ZNF623: variants seen among roughly 807,000 people sequenced by gnomAD.
ZNF623 encodes zinc finger protein 623.
A neutral mutation model predicts 24.0 loss-of-function variants in ZNF623; 16 were observed. That is an observed-to-expected ratio of 0.67 (90% confidence interval 0.45 to 1.01). The LOEUF is 1.01. ZNF623 is among the 50% of genes least tolerant of loss of function. The pLI is 0.00. For missense variants in ZNF623, 566 were observed against 606.5 expected (o/e 0.93, Z 0.70); for synonymous variants, 224 against 219.8 (o/e 1.02, Z -0.17).
Position 143,651,656 on chromosome 8 carries a change from C to T in ZNF623, c.*173C>T, listed in dbSNP as rs997855685. ...TACTCGGCTCAGCCCTTCTCCTCAG[C>T]TGTGAGCACTGTCCTCAGGAGAGTC... is the stretch of plus-strand genomic sequence containing the variant. On this transcript the variant is annotated 3_prime_UTR_variant, in exon 2 of 2. Coordinates refer to ENST00000526926, the MANE Select transcript of ZNF623 (RefSeq NM_001261843.2). The T allele has an allele frequency of 8.8e-6, 6 of 678,532 alleles. No individual in the cohort carries two copies. In the Admixed American group the frequency reaches 1.9e-4, roughly 22 times the overall value. 42.0% of individuals were successfully genotyped at this position (678,532 alleles called of 1,614,324 possible). A position where few individuals can be genotyped will look rare whatever the true frequency, so the allele number is the denominator to read the frequency against.
At chr8:143,638,664 C>T (rs1360630808) in intron 1 of ZNF623, among the ~76,000 whole-genome samples, 1 of 149,804 alleles carries the variant, frequency 6.7e-6, no homozygotes, top group East Asian at 2.0e-4. Context: ...CTTGAACCCA[C>T]GAGACAGAGA....
intron 1 of ZNF623, among the ~76,000 whole-genome samples, chr8:143,645,509 C>T (rs1815158110): frequency 6.6e-6 from 1 of 152,114 alleles, no homozygotes; most frequent in African/African-American, 2.4e-5. Context: ...TCTCTCAAAG[C>T]AGTCACTGTT....
Position 143,650,124 on chromosome 8 carries a change from C to G in ZNF623, c.132C>G (p.Thr44=), listed in dbSNP as rs754090581. The G allele has an allele frequency of 1.2e-6, 2 of 1,613,972 alleles. No homozygotes were observed. The highest frequency in any genetic ancestry group is 1.7e-6 in the Non-Finnish European group (2 of 1,180,030). Reference sequence around the variant, plus strand: ...GGGGCTGCAAGCAGGTGACAGTGACCCATTGGAAGATCCAGACAGGAGAGA... The same window carrying G: ...GGGGCTGCAAGCAGGTGACAGTGACGCATTGGAAGATCCAGACAGGAGAGA... ...QDRGCKQVTV[T]HWKIQTGETA... Residue 44 remains threonine (T), a synonymous_variant, in exon 2 of 2, where the codon ACC becomes ACG. Transcript: ENST00000526926. The surrounding 1 kb of genome is among the most constrained non-coding windows in gnomAD (Gnocchi z 5.2).
intron 1 of ZNF623, among the ~76,000 whole-genome samples, chr8:143,637,058 T>C (rs891042710): frequency 1.3e-5 from 2 of 152,208 alleles, no homozygotes; most frequent in African/African-American, 4.8e-5. Flanking sequence ...GGCAGAGCCC[T>C]GAGCAGCATG....
chr8:143,646,111 G>A (rs1473030298), intron 1 of ZNF623, among the ~76,000 whole-genome samples: 1 of 152,046 alleles, frequency 6.6e-6, no homozygotes. Flanking sequence ...GCATAGTCAT[G>A]GCTTACTACA....
intron 1 of ZNF623, among the ~76,000 whole-genome samples, chr8:143,637,249 A>T (rs560796408): frequency 6.6e-6 from 1 of 152,314 alleles, no homozygotes; most frequent in Admixed American, 6.5e-5. Flanking sequence ...GCGCGGGGCA[A>T]GGAGGTCCAG....
At chr8:143,649,213 A>G (rs916156528) in intron 1 of ZNF623, among the ~76,000 whole-genome samples, 3 of 151,634 alleles carry the variant, frequency 2.0e-5, no homozygotes, top group African/African-American at 7.3e-5. Flanking sequence ...AGGAGGCAGA[A>G]CTTGCAGTGA....
chr8:143,649,896 A>C lies in ZNF623; in HGVS notation c.-95-2A>C. 2 of 1,602,634 alleles carry C rather than the reference A, an allele frequency of 1.2e-6. No individual in the cohort carries two copies. The highest frequency in any genetic ancestry group is 1.7e-6 in the Non-Finnish European group (2 of 1,171,832). ...AGATGATTTTGTTGTCTTTTGTTTC[A>C]GATTCTAATGTAGGAACTGGTGAGA... On this transcript the variant is annotated splice_acceptor_variant, in intron 1 of 1. Coordinates refer to ENST00000526926, the MANE Select transcript of ZNF623 (RefSeq NM_001261843.2). LOFTEE classifies it low-confidence loss of function (5UTR_SPLICE).
chr8:143,648,529 G>C (rs543659081), intron 1 of ZNF623, among the ~76,000 whole-genome samples: 1 of 152,146 alleles, frequency 6.6e-6, no homozygotes, highest in Non-Finnish European at 1.5e-5. Context: ...GTGGGACATG[G>C]GGCCCATGAC....
At chr8:143,637,249 A>G (rs560796408) in intron 1 of ZNF623, among the ~76,000 whole-genome samples, 1 of 152,314 alleles carries the variant, frequency 6.6e-6, no homozygotes, top group East Asian at 1.9e-4. Flanking sequence ...GCGCGGGGCA[A>G]GGAGGTCCAG....
intron 1 of ZNF623, among the ~76,000 whole-genome samples, chr8:143,647,463 G>A (rs1815201985): frequency 6.6e-6 from 1 of 152,238 alleles, no homozygotes; most frequent in African/African-American, 2.4e-5. Context: ...TGCCCAGCCA[G>A]CCTTGCTGTT....
At chr8:143,644,826 CT>C (rs1409980932) in intron 1 of ZNF623, among the ~76,000 whole-genome samples, 20 of 37,438 alleles carry the variant, frequency 5.3e-4, no homozygotes, top group Non-Finnish European at 1.1e-3. Context: ...GCAAGACTAT[CT>C]TTAAAAAAAA....
At chr8:143,644,287 G>A (rs529879776) in intron 1 of ZNF623, among the ~76,000 whole-genome samples, 40 of 152,262 alleles carry the variant, frequency 2.6e-4, no homozygotes, top group African/African-American at 9.6e-4. Context: ...CAAAGTGTTG[G>A]GATTACAGGC....
chr8:143,636,035 G>A lies in ZNF623; in HGVS notation c.-206G>A, dbSNP rs1563695133. On this transcript the variant is annotated 5_prime_UTR_variant, in exon 1 of 2. Transcript: ENST00000526926. ...GCCTCTCGCGACTTCCGGTCGCGGC[G>A]GGCTGGCGGCGGTGCAGGCTTTGTC... 1 of 152,540 alleles carries A rather than the reference G, an allele frequency of 6.6e-6. No individual in the cohort carries two copies. 9.4% of individuals were successfully genotyped at this position (152,540 alleles called of 1,614,324 possible). A position where few individuals can be genotyped will look rare whatever the true frequency, so the allele number is the denominator to read the frequency against.
Position 143,651,250 on chromosome 8 carries a change from G to T in ZNF623, c.1258G>T (p.Val420Leu). 6.2e-7 allele frequency: 1 copy of T among 1,614,210 alleles called. No individual in the cohort carries two copies. The highest frequency in any genetic ancestry group is 2.2e-5 in the East Asian group (1 of 44,884). The part of the protein sequence containing the change: ...QIIHTGEKPY[V>L]CSYCGKGFIQ... ...TATTCACACTGGAGAAAAGCCCTAT[G>T]TGTGCAGTTATTGTGGGAAAGGCTT... Residue 420 changes from valine (V) to leucine (L), a missense_variant, in exon 2 of 2, where the codon GTG becomes TTG. By Grantham distance (32) the Val-to-Leu change is conservative (BLOSUM62 1). This residue lies in a region of ZNF623 where 136 missense variants were observed against 131.9 expected (regional missense o/e 1.03). Coordinates refer to ENST00000526926, the MANE Select transcript of ZNF623 (RefSeq NM_001261843.2).
chr8:143,652,133 TG>T lies in ZNF623; in HGVS notation c.*652del, dbSNP rs1391540410. On this transcript the variant is annotated 3_prime_UTR_variant, in exon 2 of 2. Transcript: ENST00000526926. ...TTCTCAGCTAATTAACTCTGAATCATGGTTCAAGACAAGCCTCAGGCATCAT... is the reference window on the plus strand; with the variant it reads ...TTCTCAGCTAATTAACTCTGAATCATGTTCAAGACAAGCCTCAGGCATCAT... 1 of 167,282 alleles carries T rather than the reference TG, an allele frequency of 6.0e-6. No homozygotes were observed. The highest frequency in any genetic ancestry group is 1.5e-5 in the Non-Finnish European group (1 of 68,168). The allele number at this position is 167,282 out of a possible 1,614,324, so 10.4% of individuals were successfully genotyped here.
intron 1 of ZNF623, 82 bp from the exon 2 acceptor site, chr8:143,649,816 T>C (rs2131456043): frequency 6.6e-7 from 1 of 1,521,150 alleles, no homozygotes; most frequent in African/African-American, 1.4e-5. Flanking sequence ...ACCTCTTGGA[T>C]ATGGATTTTA....
chr8:143,645,087 C>T (rs1815140930), intron 1 of ZNF623, among the ~76,000 whole-genome samples: 1 of 151,266 alleles, frequency 6.6e-6, no homozygotes, highest in African/African-American at 2.4e-5. Flanking sequence ...GAGATCGTGC[C>T]ATTGCACTCC....
intron 1 of ZNF623, among the ~76,000 whole-genome samples, chr8:143,647,523 C>T (rs1815203068): frequency 6.6e-6 from 1 of 152,202 alleles, no homozygotes; most frequent in Non-Finnish European, 1.5e-5. Flanking sequence ...AACACAGACA[C>T]CTGAAGGACA....
Sources: gnomAD v4.1 joint callset for allele counts (sites outside exome capture counted in the v4.1 genomes callset) on GRCh38, gnomAD v4.1.1 for gene constraint, gnomAD v4.1.1 regional missense constraint, Gnocchi (gnomAD v3.1) non-coding constraint, MANE v1.5 for transcripts, NCBI Gene and HGNC (gene_info 2026-07-23, HGNC 2026-07-21) for gene names.